MAP3K8: variants seen among roughly 807,000 people sequenced by gnomAD.
The protein encoded by MAP3K8 is mitogen-activated protein kinase kinase kinase 8.
In MAP3K8, 22 loss-of-function variants were observed where a neutral mutation model predicts 45.8. That is an observed-to-expected ratio of 0.48 (90% CI 0.34 to 0.69). MAP3K8 has a LOEUF of 0.69. Ranked by LOEUF, MAP3K8 falls within the 30% of genes least tolerant of loss-of-function variation. The pLI, the probability that MAP3K8 is intolerant of heterozygous loss-of-function variation, is 0.01. For missense variants in MAP3K8, 419 were observed against 585.0 expected, an observed-to-expected ratio of 0.72 and a Z score of 2.93; for synonymous variants, 223 against 214.3, an observed-to-expected ratio of 1.04 and a Z score of -0.36.
intron 1 of MAP3K8, among the ~76,000 whole-genome samples, chr10:30,436,269 C>T (rs1323923002): frequency 2.6e-5 from 4 of 152,228 alleles, no homozygotes; most frequent in East Asian, 3.8e-4. Flanking sequence ...AACTCAGAAA[C>T]CATTAGCATA....
intron 3 of MAP3K8, among the ~76,000 whole-genome samples, chr10:30,440,976 A>G (rs1836084574): frequency 6.6e-6 from 1 of 152,234 alleles, no homozygotes; most frequent in Non-Finnish European, 1.5e-5. Flanking sequence ...GAAGAAATAC[A>G]AAGAAACAAC....
intron 1 of MAP3K8, chr10:30,434,592 A>G (rs1031303044): frequency 4.1e-6 from 4 of 985,856 alleles, no homozygotes; most frequent in Non-Finnish European, 4.8e-6. Context: ...CACGGGGTGC[A>G]GACTCGCGAC....
intron 6 of MAP3K8, among the ~76,000 whole-genome samples, chr10:30,457,755 C>G (rs1836786975): frequency 6.6e-6 from 1 of 152,184 alleles, no homozygotes; most frequent in Non-Finnish European, 1.5e-5. Context: ...AAGCGATTCT[C>G]CTTGCCTCAG....
rs1836917752 is a variant in MAP3K8 at position 30,460,905 on chromosome 10, C to T, written c.*69C>T. On this transcript the variant is annotated 3_prime_UTR_variant, in exon 9 of 9. Coordinates refer to ENST00000263056, the MANE Select transcript of MAP3K8 (RefSeq NM_005204.4). ...GGAGGCTGGTTCTGCTGCCTCTACA[C>T]AGGGGCCCTGTACAGTGAATGGTGC... 2 of 1,589,696 alleles carry T rather than the reference C, an allele frequency of 1.3e-6. No homozygotes were observed. Among genetic ancestry groups the T allele is most frequent in the South Asian group, 2.2e-5 (2 of 88,994 alleles).
At chr10:30,436,880 C>T (rs1308284051) in intron 1 of MAP3K8, among the ~76,000 whole-genome samples, 1 of 151,454 alleles carries the variant, frequency 6.6e-6, no homozygotes, top group Non-Finnish European at 1.5e-5. Context: ...ACCCCTGAGG[C>T]CCTAAATTAG....
chr10:30,457,997 T>C, intron 6 of MAP3K8, 87 bp from the exon 7 acceptor site: 1 of 1,197,812 alleles, frequency 8.3e-7, no homozygotes, highest in Middle Eastern at 2.1e-4. Flanking sequence ...TTAAGGCAAA[T>C]GAGCCAATTT....
intron 6 of MAP3K8, among the ~76,000 whole-genome samples, chr10:30,455,995 C>G (rs1836716092): frequency 6.6e-6 from 1 of 152,184 alleles, no homozygotes; most frequent in Non-Finnish European, 1.5e-5. Flanking sequence ...TACAGATGTT[C>G]CATCCCCCCA....
At chr10:30,441,053 A>T (rs1461968689) in intron 3 of MAP3K8, among the ~76,000 whole-genome samples, 1 of 152,238 alleles carries the variant, frequency 6.6e-6, no homozygotes, top group Non-Finnish European at 1.5e-5. Context: ...CTAAGACATT[A>T]AGATGAGGAT....
rs146281502 is a variant in MAP3K8 at position 30,457,897 on chromosome 10, C to T, written c.874-187C>T. On this transcript the variant is annotated intron_variant, in intron 6 of 8. Coordinates refer to ENST00000263056, the MANE Select transcript of MAP3K8 (RefSeq NM_005204.4). The stretch of plus-strand genomic sequence containing the variant: ...CTGGGATTATAGGTGTGAGCCACCG[C>T]GCCCGGCCAGGTGTTCTTCATCAGA... 1.2e-3 allele frequency among the ~76,000 whole-genome samples: 182 copies of T among 152,258 alleles called. 1 individual carries two copies. The highest frequency in any genetic ancestry group is 4.1e-3 in the African/African-American group (172 of 41,550).
chr10:30,448,075 T>C, intron 4 of MAP3K8, 126 bp downstream of exon 4: 1 of 783,526 alleles, frequency 1.3e-6, no homozygotes, highest in Admixed American at 3.0e-5. Flanking sequence ...GTGCACTGCC[T>C]CAAAGCATTT....
rs1290775418 is a variant in MAP3K8, at chr10:30,447,925, G to A, written c.480G>A (p.Thr160=). 13 of 1,610,666 alleles carry A rather than the reference G, an allele frequency of 8.1e-6. No homozygotes were observed. The East Asian group carries it at 8.9e-5, about 11-fold the overall frequency. The part of the protein sequence containing the change: ...GKVYLAQDIK[T]KKRMACKLIP... ...TATACTTGGCACAAGATATAAAGAC[G>A]AAGAAAAGAATGGCGTGTAAACTGG... The change falls in exon 4 of 9, where the codon ACG becomes ACA. Residue 160 remains threonine, a synonymous_variant. Coordinates refer to ENST00000263056, the MANE Select transcript of MAP3K8 (RefSeq NM_005204.4).
chr10:30,452,383 C>T (rs1236841821), intron 6 of MAP3K8, among the ~76,000 whole-genome samples: 1 of 151,920 alleles, frequency 6.6e-6, no homozygotes, highest in Non-Finnish European at 1.5e-5. Context: ...GGAGGAGAAT[C>T]ATCTGAACTC....
At chr10:30,441,489 G>A (rs905743283) in intron 3 of MAP3K8, among the ~76,000 whole-genome samples, 1 of 152,072 alleles carries the variant, frequency 6.6e-6, no homozygotes, top group Non-Finnish European at 1.5e-5. Flanking sequence ...AAATACATAA[G>A]TAAAGGCAGG....
chr10:30,447,147 T>C (rs1422519398), intron 3 of MAP3K8, among the ~76,000 whole-genome samples: 1 of 152,252 alleles, frequency 6.6e-6, no homozygotes, highest in Non-Finnish European at 1.5e-5. Context: ...CCATCTCGTT[T>C]GTGGCTGCCT....
chr10:30,443,503 C>T (rs1836187967), intron 3 of MAP3K8, among the ~76,000 whole-genome samples: 1 of 152,196 alleles, frequency 6.6e-6, no homozygotes, highest in Non-Finnish European at 1.5e-5. Context: ...GTACTATTAA[C>T]TCTCTCATCA....
At chr10:30,454,809 G>A (rs929878518) in intron 6 of MAP3K8, among the ~76,000 whole-genome samples, 5 of 151,446 alleles carry the variant, frequency 3.3e-5, no homozygotes, top group African/African-American at 9.7e-5. Flanking sequence ...TTACCAAAGT[G>A]TGAGGTCTAA....
chr10:30,440,736 G>A (rs1310788743), intron 3 of MAP3K8, among the ~76,000 whole-genome samples: 1 of 151,930 alleles, frequency 6.6e-6, no homozygotes, highest in Non-Finnish European at 1.5e-5. Flanking sequence ...TGTCTATACC[G>A]AGAAATATAA....
chr10:30,454,210 C>T (rs868489671), intron 6 of MAP3K8, among the ~76,000 whole-genome samples: 18 of 152,068 alleles, frequency 1.2e-4, no homozygotes, highest in African/African-American at 4.1e-4. Flanking sequence ...GGCTGCACCT[C>T]TATGTCAGGA....
At chr10:30,453,907 GGAGA>G (rs1415365981) in intron 6 of MAP3K8, among the ~76,000 whole-genome samples, 2 of 100,714 alleles carry the variant, frequency 2.0e-5, no homozygotes, top group African/African-American at 6.0e-5. Context: ...AGGGAGGGAG[GGAGA>G]GAGAGAAGGA....
Sources: allele counts gnomAD v4.1 joint callset (sites outside exome capture counted in the v4.1 genomes callset), GRCh38; gene constraint gnomAD v4.1.1; transcripts MANE v1.5; gene names NCBI Gene and HGNC (gene_info 2026-07-23, HGNC 2026-07-21).